IFT74: variants seen among roughly 807,000 people sequenced by gnomAD.
The protein encoded by IFT74 is intraflagellar transport 74.
IFT74 carries 92 observed loss-of-function variants against 96.7 expected under a neutral mutation model. The ratio of observed to expected loss-of-function variants is 0.95; its 90% CI spans 0.80 to 1.13. The LOEUF (loss-of-function observed/expected upper bound fraction) is 1.13, where lower values mean the gene tolerates loss of function less well. Among genes scored for constraint, IFT74 ranks in the 50% most tolerant of loss-of-function variants. The pLI is 0.00. For missense variants in IFT74, 811 were observed against 698.2 expected (o/e 1.16, Z -1.82); for synonymous variants, 223 against 213.2 (o/e 1.05, Z -0.40).
At chr9:27,039,508 A>G (rs566843202) in intron 13 of IFT74, among the ~76,000 whole-genome samples, 4 of 152,276 alleles carry the variant, frequency 2.6e-5, no homozygotes, top group Admixed American at 2.6e-4. Flanking sequence ...ATCAGCCTGG[A>G]CAACATAGAC....
chr9:26,999,763 G>GTT, intron 8 of IFT74: 1 of 476,842 alleles, frequency 2.1e-6, no homozygotes, highest in Non-Finnish European at 3.3e-6. Context: ...TTTTGAATCT[G>GTT]TTTATTCTTT....
intron 2 of IFT74, among the ~76,000 whole-genome samples, chr9:26,975,864 G>C (rs367982327): frequency 1.4e-4 from 21 of 152,082 alleles, no homozygotes; most frequent in African/African-American, 4.8e-4. Context: ...TCCTTCTTTC[G>C]CTTTTTCCAC....
At chr9:27,027,756 T>C (rs1829935338) in intron 12 of IFT74, among the ~76,000 whole-genome samples, 1 of 152,218 alleles carries the variant, frequency 6.6e-6, no homozygotes, top group Admixed American at 6.5e-5. Context: ...CTATGAATTC[T>C]ATGAATTATC....
intron 6 of IFT74, among the ~76,000 whole-genome samples, chr9:26,988,057 A>G (rs542367238): frequency 1.3e-5 from 2 of 152,004 alleles, no homozygotes; most frequent in African/African-American, 4.8e-5. Context: ...GGTTCAAGCG[A>G]TTCTCCTGCC....
intron 1 of IFT74, among the ~76,000 whole-genome samples, chr9:26,950,756 T>C (rs1283780568): frequency 6.6e-6 from 1 of 152,236 alleles, no homozygotes; most frequent in Admixed American, 6.5e-5. Flanking sequence ...AACTGTTTAA[T>C]ACTTTAATGT....
At chr9:27,011,271 T>TAA (rs1159376442) in intron 9 of IFT74, among the ~76,000 whole-genome samples, 1 of 151,746 alleles carries the variant, frequency 6.6e-6, no homozygotes, top group African/African-American at 2.4e-5. Context: ...AAAGAAAGAG[T>TAA]ATGATAGAAA....
chr9:26,972,254 C>G (rs1328834849), intron 2 of IFT74, among the ~76,000 whole-genome samples: 1 of 152,002 alleles, frequency 6.6e-6, no homozygotes, highest in Non-Finnish European at 1.5e-5. Context: ...AGTGATTCAC[C>G]TCTCTATTTT....
chr9:27,044,394 G>A (rs773775112), intron 13 of IFT74, among the ~76,000 whole-genome samples: 2 of 152,154 alleles, frequency 1.3e-5, no homozygotes, highest in Non-Finnish European at 2.9e-5. Flanking sequence ...CTCTGTGAGT[G>A]AAGTTACTCT....
intron 2 of IFT74, among the ~76,000 whole-genome samples, chr9:26,969,471 C>G (rs775866187): frequency 1.3e-5 from 2 of 151,864 alleles, no homozygotes; most frequent in African/African-American, 4.8e-5. Context: ...ATACGTTTCT[C>G]ATAGTCAGGA....
chr9:26,951,968 C>T (rs930413729), upstream of IFT74, among the ~76,000 whole-genome samples: 1 of 152,176 alleles, frequency 6.6e-6, no homozygotes, highest in African/African-American at 2.4e-5. Context: ...TTCGTCTTGC[C>T]AGTACTGTGG....
chr9:27,009,036 A>C lies in IFT74; in HGVS notation c.604A>C (p.Arg202=), dbSNP rs1479531434. The change falls in exon 9 of 20, where the codon AGA becomes CGA. Residue 202 remains arginine, a synonymous_variant. Transcript: ENST00000380062. The part of the protein sequence containing the change: ...TERQAKEKQI[R]SVEEEIEQEK... ...TGATTTTAGGAAAGAAAAACAAATC[A>C]GAAGTGTCGAAGAAGAAATTGAACA... is the stretch of plus-strand genomic sequence containing the variant. 1 of 1,612,726 alleles carries C rather than the reference A, an allele frequency of 6.2e-7. No individual in the cohort carries two copies. Among genetic ancestry groups the C allele is most frequent in the Non-Finnish European group, 8.5e-7 (1 of 1,179,188 alleles).
intron 13 of IFT74, among the ~76,000 whole-genome samples, chr9:27,040,544 C>CAAAAAAAAAAAAAAAAAAAAA (rs751893169): frequency 8.1e-5 from 5 of 62,072 alleles, no homozygotes; most frequent in African/African-American, 2.3e-4. Flanking sequence ...GACACTGTCT[C>CAAAAAAAAAAAAAAAAAAAAA]AAAAAAAAAA....
intron 12 of IFT74, among the ~76,000 whole-genome samples, chr9:27,027,615 G>A (rs1367968568): frequency 1.3e-5 from 2 of 152,152 alleles, no homozygotes; most frequent in East Asian, 3.9e-4. Context: ...TTCTTTGGGG[G>A]AAATGTTTAC....
intron 4 of IFT74, among the ~76,000 whole-genome samples, chr9:26,982,828 G>A (rs1168166284): frequency 6.6e-6 from 1 of 152,064 alleles, no homozygotes; most frequent in Non-Finnish European, 1.5e-5. Context: ...CTGACCTCAG[G>A]TAATGCACCT....
At chr9:26,972,223 AT>A (rs1826911610) in intron 2 of IFT74, among the ~76,000 whole-genome samples, 1 of 152,148 alleles carries the variant, frequency 6.6e-6, no homozygotes, top group African/African-American at 2.4e-5. Flanking sequence ...GAATGGTCTT[AT>A]ACTTTAAAAT....
intron 1 of IFT74, among the ~76,000 whole-genome samples, chr9:26,961,350 A>G (rs376493287): frequency 2.0e-5 from 3 of 151,990 alleles, no homozygotes; most frequent in Non-Finnish European, 2.9e-5. Flanking sequence ...TTGGCCTCCC[A>G]AAGTGCTGGG....
Position 27,065,930 on chromosome 9 carries a change from T to G in IFT74, c.*3194T>G, listed in dbSNP as rs892420628. Among the ~76,000 whole-genome samples, 2 of 152,212 alleles carry G rather than the reference T, an allele frequency of 1.3e-5. No homozygotes were observed. Among genetic ancestry groups the G allele is most frequent in the African/African-American group, 4.8e-5 (2 of 41,474 alleles). Reference sequence around the variant, plus strand: ...TTAAAATTGTAAGTTTACAGTTTGATAACTGAAAAACATTTTTAAAAAGGC... The same window carrying G: ...TTAAAATTGTAAGTTTACAGTTTGAGAACTGAAAAACATTTTTAAAAAGGC... On this transcript the variant is annotated 3_prime_UTR_variant, in exon 20 of 20. Transcript: ENST00000380062.
At chr9:27,058,408 G>C (rs773702294) in intron 18 of IFT74, among the ~76,000 whole-genome samples, 2 of 149,630 alleles carry the variant, frequency 1.3e-5, no homozygotes, top group Non-Finnish European at 3.0e-5. Flanking sequence ...TTTTTGAGAC[G>C]AAGTTTTGCT....
rs190502879 is a variant in IFT74 at position 26,996,478 on chromosome 9, C to T, written c.587+6283C>T. ...GCTCTGCAGGCTGTTGGGGTAGCTA[C>T]ACATGGTGATGTTCTCATTTTCTAG... On this transcript the variant is annotated intron_variant, in intron 8 of 19. Coordinates refer to ENST00000380062, the MANE Select transcript of IFT74 (RefSeq NM_025103.4). The T allele has an allele frequency of 7.8e-5, 116 of 1,494,002 alleles. No individual in the cohort carries two copies. The East Asian group carries it at 2.1e-3, about 27-fold the overall frequency. The allele number at this position is 1,494,002 out of a possible 1,614,324, so 92.5% of individuals were successfully genotyped here.
Sources: gnomAD v4.1 joint callset for allele counts (sites outside exome capture counted in the v4.1 genomes callset) on GRCh38, gnomAD v4.1.1 for gene constraint, MANE v1.5 for transcripts, NCBI Gene and HGNC (gene_info 2026-07-23, HGNC 2026-07-21) for gene names.